SMCHD1: variants seen among roughly 807,000 people sequenced by gnomAD.
The protein encoded by SMCHD1 is structural maintenance of chromosomes flexible hinge domain containing 1, also known as structural maintenance of chromosomes flexible hinge domain-containing protein 1.
SMCHD1 carries 78 observed loss-of-function variants against 254.7 expected under a neutral mutation model. The ratio of observed to expected loss-of-function variants is 0.31; its 90% CI spans 0.26 to 0.37. The LOEUF (loss-of-function observed/expected upper bound fraction) is 0.37, where lower values mean the gene tolerates loss of function less well. SMCHD1 is among the 10% of genes least tolerant of loss of function. The pLI is 1.00. For synonymous variants in SMCHD1, 766 were observed against 794.9 expected, an observed-to-expected ratio of 0.96 and a Z score of 0.61; for missense variants, 1,840 against 2,408.1, an observed-to-expected ratio of 0.76 and a Z score of 4.94.
At chr18:2,757,957 C>G (rs1029539677) in intron 34 of SMCHD1, among the ~76,000 whole-genome samples, 2 of 151,698 alleles carry the variant, frequency 1.3e-5, no homozygotes, top group African/African-American at 4.8e-5. Flanking sequence ...ACGTTTTTGC[C>G]TTAAAGTTTA....
chr18:2,708,447 C>CTT lies in SMCHD1; in HGVS notation c.2260+528_2260+529dup, dbSNP rs902965293. Among the ~76,000 whole-genome samples, 15 of 152,188 alleles carry CTT rather than the reference C, an allele frequency of 9.9e-5. No homozygotes were observed. The South Asian group carries it at 2.3e-3, about 23-fold the overall frequency. On this transcript the variant is annotated intron_variant, in intron 17 of 47. Transcript: ENST00000320876. ...TCGGAAGGCTGAGGCAGGAAAATTG[C>CTT]TTGAGCCCAGGAGTTCGAGGCTACA...
chr18:2,661,299 A>G (rs2073245128), intron 1 of SMCHD1, among the ~76,000 whole-genome samples: 1 of 152,162 alleles, frequency 6.6e-6, no homozygotes, highest in South Asian at 2.1e-4. Flanking sequence ...TATCTATGTA[A>G]CAAACCTGCA....
At chr18:2,738,039 G>A (rs1021381300) in intron 25 of SMCHD1, among the ~76,000 whole-genome samples, 2 of 151,922 alleles carry the variant, frequency 1.3e-5, no homozygotes, top group Non-Finnish European at 2.9e-5. Context: ...CCATAAATAG[G>A]ATTCTTTTCA....
intron 5 of SMCHD1, among the ~76,000 whole-genome samples, chr18:2,681,622 A>C (rs1598306294): frequency 6.6e-6 from 1 of 151,550 alleles, no homozygotes; most frequent in East Asian, 1.9e-4. Flanking sequence ...ATAACATTAC[A>C]TAAACCTAGA....
In SMCHD1 at chr18:2,780,566, A is replaced by AT. The variant is rs545627357; in HGVS notation, c.5547+2328dup. 4.1e-3 allele frequency among the ~76,000 whole-genome samples: 625 copies of AT among 152,262 alleles called. 5 individuals are homozygous for AT. The highest frequency in any genetic ancestry group is 0.014 in the African/African-American group (594 of 41,578). ...TTGCTGGTAAGGATTGAACTAACTA[A>AT]TAGGATGGTAACCGGAAGACTCCTG... On this transcript the variant is annotated intron_variant, in intron 44 of 47. Coordinates refer to ENST00000320876, the MANE Select transcript of SMCHD1 (RefSeq NM_015295.3).
intron 35 of SMCHD1, among the ~76,000 whole-genome samples, 153 bp from the exon 36 acceptor site, chr18:2,761,952 G>A (rs1034717626): frequency 6.6e-6 from 1 of 152,108 alleles, no homozygotes; most frequent in Non-Finnish European, 1.5e-5. Context: ...AATTTTAAAA[G>A]CAAATTGATT....
At chr18:2,671,362 A>G (rs556382366) in intron 3 of SMCHD1, among the ~76,000 whole-genome samples, 3 of 152,318 alleles carry the variant, frequency 2.0e-5, no homozygotes, top group South Asian at 2.1e-4. Flanking sequence ...TGCCATCATT[A>G]TGAAATGATA....
At position 2,673,301 on chromosome 18, in the gene SMCHD1, A is replaced by C. The variant is rs2143841667; in HGVS notation, c.445A>C (p.Ile149Leu). Residue 149 changes from isoleucine (I) to leucine (L), a missense_variant, in exon 4 of 48, where the codon ATT becomes CTT. Transcript: ENST00000320876. ...TGCAGCATTTGCTCTTGCGGAATTA[A>C]TTGACAATTCATTGTCTGCTACTTC... Reference protein sequence around the residue: ...NPLPFALAELIDNSLSATSRN... With the variant: ...NPLPFALAELLDNSLSATSRN... The C allele has an allele frequency of 6.3e-7, 1 of 1,589,390 alleles. No individual in the cohort carries two copies. The highest frequency in any genetic ancestry group is 1.7e-5 in the Admixed American group (1 of 59,090).
chr18:2,792,759 A>G (rs12456760), intron 45 of SMCHD1, among the ~76,000 whole-genome samples: 41,400 of 152,114 alleles, frequency 0.27, 5,767 homozygotes, highest in South Asian at 0.37. Context: ...GGTTTTTTAA[A>G]TAAAGCTATT....
intron 24 of SMCHD1, 104 bp from the exon 25 acceptor site, chr18:2,732,161 A>G (rs2075153847): frequency 2.5e-6 from 2 of 800,192 alleles, no homozygotes; most frequent in Admixed American, 5.2e-5. Flanking sequence ...TGTGAGTATA[A>G]CAATGTATGA....
In SMCHD1 at chr18:2,771,548, C is replaced by T; in HGVS notation, c.4982C>T (p.Ala1661Val). 1.3e-6 allele frequency: 2 copies of T among 1,564,012 alleles called. No individual in the cohort carries two copies. The highest frequency in any genetic ancestry group is 2.2e-5 in the Admixed American group (1 of 45,640). ...TTTATTTTAGGTCAAGTTGAAGAAGCAAGATTAAAAGAGGCCCAATTGCGA... is the reference window on the plus strand; with the variant it reads ...TTTATTTTAGGTCAAGTTGAAGAAGTAAGATTAAAAGAGGCCCAATTGCGA... ...LNEMKCQVEE[A>V]RLKEAQLRNE... Residue 1661 changes from alanine (A) to valine (V), a missense_variant, in exon 40 of 48, where the codon GCA becomes GTA. Physicochemically the swap from Ala to Val is moderately conservative, Grantham distance 64 (BLOSUM62 0). This residue lies in a region of SMCHD1 where 881 missense variants were observed against 1,009.5 expected (regional missense o/e 0.87). Transcript: ENST00000320876.
chr18:2,737,131 C>T lies in SMCHD1; in HGVS notation c.3277-1266C>T, dbSNP rs918516795. On this transcript the variant is annotated intron_variant, in intron 25 of 47. Coordinates refer to ENST00000320876, the MANE Select transcript of SMCHD1 (RefSeq NM_015295.3). ...GTGAATTAATGCAGGAACAGGAACC[C>T]AAATACTGAATGGTCTCACTTAAAA... is the stretch of plus-strand genomic sequence containing the variant. 8.5e-5 allele frequency among the ~76,000 whole-genome samples: 13 copies of T among 152,184 alleles called. 1 individual carries two copies. In the South Asian group the frequency reaches 2.5e-3, roughly 29 times the overall value.
chr18:2,722,676 A>G lies in SMCHD1; in HGVS notation c.2603+13A>G. ...TTCTTGAAGCAAGGTAATTTGAAGG[A>G]TCAATATGTATTTGTCCTTTGATAT... On this transcript the variant is annotated intron_variant, in intron 20 of 47. Transcript: ENST00000320876. The G allele has an allele frequency of 6.2e-7, 1 of 1,602,134 alleles. No homozygotes were observed. Among genetic ancestry groups the G allele is most frequent in the South Asian group, 1.1e-5 (1 of 87,726 alleles).
chr18:2,778,243 T>C lies in SMCHD1; in HGVS notation c.5547+4T>C. 6.3e-7 allele frequency: 1 copy of C among 1,594,570 alleles called. No individual in the cohort carries two copies. The highest frequency in any genetic ancestry group is 1.1e-5 in the South Asian group (1 of 89,390). On this transcript the variant is annotated splice_donor_region_variant and intron_variant, in intron 44 of 47. Coordinates refer to ENST00000320876, the MANE Select transcript of SMCHD1 (RefSeq NM_015295.3). ...GGCCAATCATTATAGAAAAGAGGTA[T>C]GTATTTGATTTCTTTTTAAATTTGT...
At chr18:2,705,072 A>G (rs1475428103) in intron 13 of SMCHD1, among the ~76,000 whole-genome samples, 1 of 147,010 alleles carries the variant, frequency 6.8e-6, no homozygotes, top group East Asian at 1.9e-4. Flanking sequence ...ATCTGAGCAT[A>G]GAGATGTGCG....
At chr18:2,737,931 A>G (rs1333167241) in intron 25 of SMCHD1, among the ~76,000 whole-genome samples, 2 of 152,208 alleles carry the variant, frequency 1.3e-5, no homozygotes, top group Non-Finnish European at 2.9e-5. Flanking sequence ...ACACCTAAGA[A>G]GAGATTAAGG....
At chr18:2,699,154 T>C (rs1978395) in intron 10 of SMCHD1, among the ~76,000 whole-genome samples, 75,904 of 151,876 alleles carry the variant, frequency 0.5, 19,226 homozygotes, top group East Asian at 0.6. Context: ...CCACTTTCTG[T>C]TGGACAAACT....
Position 2,720,700 on chromosome 18 carries a change from C to T in SMCHD1, c.2459-1819C>T, listed in dbSNP as rs549054250. ...TTTATGTTTGTAGGGGGGCGGTCCT[C>T]ATATTTAGTATATAATTTTCCACGT... On this transcript the variant is annotated intron_variant, in intron 19 of 47. Coordinates refer to ENST00000320876, the MANE Select transcript of SMCHD1 (RefSeq NM_015295.3). 8.5e-5 allele frequency among the ~76,000 whole-genome samples: 13 copies of T among 152,288 alleles called. No individual in the cohort carries two copies. The East Asian group carries it at 2.5e-3, about 29-fold the overall frequency.
rs2075551293 is a variant in SMCHD1, at chr18:2,750,504, A to G, written c.4162A>G (p.Thr1388Ala). The change falls in exon 32 of 48, where the codon ACT becomes GCT. Residue 1388 changes from threonine (T) to alanine (A), a missense_variant. Transcript: ENST00000320876. ...ATCCTTCTTAGCAGGGGGTCTTTTCACTGGTGAGTATTTCACATACATAAA... is the reference window on the plus strand; with the variant it reads ...ATCCTTCTTAGCAGGGGGTCTTTTCGCTGGTGAGTATTTCACATACATAAA... The part of the protein sequence containing the change: ...DASFLAGGLF[T>A]DFMISVISED... 1 of 1,594,662 alleles carries G rather than the reference A, an allele frequency of 6.3e-7. No individual in the cohort carries two copies. Among genetic ancestry groups the G allele is most frequent in the Non-Finnish European group, 8.6e-7 (1 of 1,169,252 alleles).
Sources: gnomAD v4.1 joint callset for allele counts (sites outside exome capture counted in the v4.1 genomes callset) on GRCh38, gnomAD v4.1.1 for gene constraint, gnomAD v4.1.1 regional missense constraint, MANE v1.5 for transcripts, NCBI Gene and HGNC (gene_info 2026-07-23, HGNC 2026-07-21) for gene names.